MYH11: variants seen among roughly 807,000 people sequenced by gnomAD.
The protein encoded by MYH11 is myosin heavy chain 11.
A neutral mutation model predicts 246.6 loss-of-function variants in MYH11; 80 were observed. The observed-to-expected ratio is 0.32, with a 90% CI of 0.27 to 0.39. The LOEUF is 0.39. MYH11 is among the 10% of genes least tolerant of loss of function. MYH11 has a pLI of 1.00. For missense variants in MYH11, 2,158 were observed against 2,546.8 expected (o/e 0.85, Z 3.29); for synonymous variants, 1,071 against 1,015.5 (o/e 1.05, Z -1.04).
intron 3 of MYH11, among the ~76,000 whole-genome samples, chr16:15,809,033 C>T (rs1230590159): frequency 6.6e-6 from 1 of 152,174 alleles, no homozygotes; most frequent in Non-Finnish European, 1.5e-5. Context: ...CCAGCCCCAG[C>T]AGCCTCATAG....
chr16:15,830,177 G>GC (rs1472936837), intron 2 of MYH11, among the ~76,000 whole-genome samples: 1 of 150,458 alleles, frequency 6.6e-6, no homozygotes, highest in Non-Finnish European at 1.5e-5. Context: ...TGTTGGCTTT[G>GC]CCTTATCACC....
At chr16:15,802,296 A>G (rs2042906613) in intron 3 of MYH11, among the ~76,000 whole-genome samples, 1 of 152,218 alleles carries the variant, frequency 6.6e-6, no homozygotes, top group Non-Finnish European at 1.5e-5. Context: ...GAATTCTCTC[A>G]GCAGCTCCTG....
At chr16:15,774,091 C>A (rs1398179257) in intron 8 of MYH11, among the ~76,000 whole-genome samples, 1 of 152,172 alleles carries the variant, frequency 6.6e-6, no homozygotes, top group Non-Finnish European at 1.5e-5. Context: ...TGGGTCAAGT[C>A]ACTTGGAAGC....
At chr16:15,810,257 A>G (rs1170545663) in intron 3 of MYH11, among the ~76,000 whole-genome samples, 1 of 151,370 alleles carries the variant, frequency 6.6e-6, no homozygotes, top group Non-Finnish European at 1.5e-5. Flanking sequence ...CTGGTCTCGA[A>G]CTCCTGACCT....
intron 14 of MYH11, among the ~76,000 whole-genome samples, chr16:15,755,060 T>C (rs1192278980): frequency 6.6e-6 from 1 of 152,178 alleles, no homozygotes; most frequent in African/African-American, 2.4e-5. Context: ...TGCATACAAA[T>C]GGGCATGGCT....
chr16:15,805,920 A>T (rs2042999746), intron 3 of MYH11, among the ~76,000 whole-genome samples: 1 of 152,092 alleles, frequency 6.6e-6, no homozygotes, highest in Non-Finnish European at 1.5e-5. Flanking sequence ...TGTCTTAAAA[A>T]ATATATAAAT....
In MYH11 at chr16:15,703,998, C is replaced by T. The variant is rs914328780; in HGVS notation, c.5912G>A (p.Ser1971Asn). The T allele has an allele frequency of 1.9e-6, 3 of 1,614,074 alleles. No individual in the cohort carries two copies. The highest frequency in any genetic ancestry group is 2.5e-6 in the Non-Finnish European group (3 of 1,179,992). The change falls in exon 41 of 41, where the codon AGT becomes AAT. Residue 1971 changes from serine (S) to asparagine (N), a missense_variant. Physicochemically the swap from Ser to Asn is conservative, Grantham distance 46 (BLOSUM62 1). Transcript: ENST00000300036. ...AAAACTGTAGAAAGTTGCTTATTCA[C>T]TGGCCTTGGTTCCATTGAAGTCTGC... Reference protein sequence around the residue: ...RDADFNGTKASE With the variant: ...RDADFNGTKANE
Position 15,706,659 on chromosome 16 carries a change from G to A in MYH11, c.5787-2536C>T, listed in dbSNP as rs146811560. On this transcript the variant is annotated intron_variant, in intron 40 of 40. Transcript: ENST00000300036. Reference sequence around the variant, plus strand: ...GAGGTGAAGGCTGCAGTGAGCCAACGTTGTGCCACTGCACTCCAGCCTGGG... The same window carrying A: ...GAGGTGAAGGCTGCAGTGAGCCAACATTGTGCCACTGCACTCCAGCCTGGG... Among the ~76,000 whole-genome samples, 380 of 151,286 alleles carry A rather than the reference G, an allele frequency of 2.5e-3. 4 individuals carry two copies. The highest frequency in any genetic ancestry group is 8.4e-3 in the African/African-American group (345 of 41,224).
intron 3 of MYH11, among the ~76,000 whole-genome samples, chr16:15,803,093 T>C (rs1167377918): frequency 2.0e-5 from 3 of 151,362 alleles, no homozygotes; most frequent in Non-Finnish European, 4.4e-5. Context: ...GTTGAGATTT[T>C]GCCACTGCAC....
intron 40 of MYH11, among the ~76,000 whole-genome samples, chr16:15,705,825 C>CA (rs1268816567): frequency 6.6e-6 from 1 of 151,424 alleles, no homozygotes; most frequent in Non-Finnish European, 1.5e-5. Flanking sequence ...ACTAAAAATA[C>CA]AAAAAATTAG....
At position 15,724,271 on chromosome 16, in the gene MYH11, C is replaced by G. The variant is rs567729923; in HGVS notation, c.4255G>C (p.Glu1419Gln). 12 of 1,614,102 alleles carry G rather than the reference C, an allele frequency of 7.4e-6. No homozygotes were observed. Among genetic ancestry groups the G allele is most frequent in the Non-Finnish European group, 1.0e-5 (12 of 1,180,058 alleles). The change falls in exon 31 of 41, where the codon GAA (glutamate) becomes CAA (glutamine). Residue 1419 changes from glutamate to glutamine, a missense_variant. This residue lies in a region of MYH11 where 1,013 missense variants were observed against 993.5 expected (regional missense o/e 1.02). Transcript: ENST00000300036. ...EEKAAAYDKL[E>Q]KTKNRLQQEL... Reference sequence around the variant, plus strand: ...TGCTGAAGCCTGTTCTTGGTCTTTTCCAGTTTATCATAAGCGGCCGCCTTC... The same window carrying G: ...TGCTGAAGCCTGTTCTTGGTCTTTTGCAGTTTATCATAAGCGGCCGCCTTC...
intron 27 of MYH11, among the ~76,000 whole-genome samples, chr16:15,729,982 G>T (rs2040912176): frequency 6.6e-6 from 1 of 152,068 alleles, no homozygotes; most frequent in African/African-American, 2.4e-5. Flanking sequence ...CACCGCGCCC[G>T]GCCTTTGGGG....
intron 10 of MYH11, 66 bp from the exon 11 acceptor site, chr16:15,760,724 G>T (rs527978778): frequency 8.4e-6 from 9 of 1,077,472 alleles, no homozygotes; most frequent in Non-Finnish European, 1.3e-5. Flanking sequence ...AAGACACATC[G>T]CATGGGATAT....
chr16:15,819,421 GC>G (rs1567197695), intron 3 of MYH11, among the ~76,000 whole-genome samples: 1 of 152,146 alleles, frequency 6.6e-6, no homozygotes, highest in East Asian at 1.9e-4. Context: ...TGTATTTACA[GC>G]CACTCCCTAT....
intron 2 of MYH11, among the ~76,000 whole-genome samples, chr16:15,837,333 CG>C (rs1269917518): frequency 1.3e-5 from 2 of 152,190 alleles, no homozygotes; most frequent in African/African-American, 4.8e-5. Context: ...GTTTATCATA[CG>C]TCTTGGCACT....
At chr16:15,826,000 AG>A (rs1478164034) in intron 2 of MYH11, among the ~76,000 whole-genome samples, 1 of 152,106 alleles carries the variant, frequency 6.6e-6, no homozygotes, top group African/African-American at 2.4e-5. Flanking sequence ...CAAGCAACAG[AG>A]GGTTAAGTGA....
chr16:15,781,376 G>T (rs1298003759), intron 6 of MYH11, among the ~76,000 whole-genome samples: 1 of 152,130 alleles, frequency 6.6e-6, no homozygotes, highest in East Asian at 1.9e-4. Context: ...TACTAAAATG[G>T]GCCTTGGGGA....
In MYH11 at chr16:15,715,751, A is replaced by G. The variant is rs567217741; in HGVS notation, c.5505-479T>C. Among the ~76,000 whole-genome samples the G allele has an allele frequency of 2.0e-4, 30 of 152,132 alleles. 1 individual carries two copies. The South Asian group carries it at 5.8e-3, about 30-fold the overall frequency. ...CAGCCTTGAACTCCTGGCTCAAGCA[A>G]TCCTCCCACCTCAGCCTCCCAAGTA... On this transcript the variant is annotated intron_variant, in intron 38 of 40. Transcript: ENST00000300036.
intron 1 of MYH11, among the ~76,000 whole-genome samples, chr16:15,851,261 C>T (rs1010946864): frequency 6.6e-6 from 1 of 152,074 alleles, no homozygotes; most frequent in African/African-American, 2.4e-5. Context: ...TTGGCAGGTC[C>T]CCAGTAGTAC....
Sources: gnomAD v4.1 joint callset for allele counts (sites outside exome capture counted in the v4.1 genomes callset) on GRCh38, gnomAD v4.1.1 for gene constraint, gnomAD v4.1.1 regional missense constraint, MANE v1.5 for transcripts, NCBI Gene and HGNC (gene_info 2026-07-23, HGNC 2026-07-21) for gene names.